SETD1A: variants seen among roughly 807,000 people sequenced by gnomAD.
SETD1A encodes the protein SET domain containing 1A, histone lysine methyltransferase, also known as histone-lysine N-methyltransferase SETD1A.
Under a neutral mutation model 149.9 loss-of-function variants are expected in SETD1A, and 29 were observed. The observed-to-expected ratio is 0.19, with a 90% confidence interval of 0.14 to 0.26. The LOEUF is 0.26. Among genes scored for constraint, SETD1A ranks in the 10% least tolerant of loss-of-function variants. The pLI, the probability that SETD1A is intolerant of heterozygous loss-of-function variation, is 1.00. For missense variants in SETD1A, 2,109 were observed against 2,353.1 expected (o/e 0.90, Z 2.15); for synonymous variants, 1,141 against 968.5 (o/e 1.18, Z -3.31).
intron 3 of SETD1A, among the ~76,000 whole-genome samples, chr16:30,959,620 T>C (rs1870293): frequency 0.62 from 94,257 of 151,944 alleles, 29,683 homozygotes; most frequent in East Asian, 0.91. Flanking sequence ...ACTCCTATTC[T>C]CCACCCTAGA....
In SETD1A at chr16:30,980,691, A is replaced by C. The variant is rs755570949; in HGVS notation, c.4581+34A>C. 3 of 1,610,910 alleles carry C rather than the reference A, an allele frequency of 1.9e-6. No homozygotes were observed. Among genetic ancestry groups the C allele is most frequent in the Non-Finnish European group, 1.7e-6 (2 of 1,179,072 alleles). On this transcript the variant is annotated intron_variant, in intron 15 of 18. Coordinates refer to ENST00000262519, the MANE Select transcript of SETD1A (RefSeq NM_014712.3). This position sits in a 1 kb window ranked among gnomAD's most constrained non-coding sequence, Gnocchi z 7.7. ...AACCCCGCCGCCGCGTCCTCCTGCCACTCACTTCCCTGCCCTGCTCACCTC... is the reference window on the plus strand; with the variant it reads ...AACCCCGCCGCCGCGTCCTCCTGCCCCTCACTTCCCTGCCCTGCTCACCTC...
intron 12 of SETD1A, among the ~76,000 whole-genome samples, chr16:30,970,106 T>TA (rs2056206207): frequency 1.3e-5 from 2 of 151,746 alleles, no homozygotes; most frequent in Non-Finnish European, 2.9e-5. Flanking sequence ...TAGCTGGGAT[T>TA]ACAGGCACCC....
Position 30,964,264 on chromosome 16 carries a change from A to G in SETD1A, c.810A>G (p.Gly270=). 2.5e-6 allele frequency: 4 copies of G among 1,613,540 alleles called. No individual in the cohort carries two copies. Among genetic ancestry groups the G allele is most frequent in the Non-Finnish European group, 1.7e-6 (2 of 1,179,850 alleles). Residue 270 remains glycine, a synonymous_variant, in exon 6 of 19, where the codon GGA becomes GGG. Coordinates refer to ENST00000262519, the MANE Select transcript of SETD1A (RefSeq NM_014712.3). ...AGTTCACACCTCAGTCCTCCCAAGG[A>G]ACCCCCTACACGTCTCGGGGCAGCA... ...FGQFTPQSSQ[G]TPYTSRGSTP...
At position 30,961,260 on chromosome 16, in the gene SETD1A, T is replaced by C; in HGVS notation, c.247-7T>C. On this transcript the variant is annotated splice_polypyrimidine_tract_variant and splice_region_variant and intron_variant, in intron 3 of 18. Transcript: ENST00000262519. This position sits in a 1 kb window ranked among gnomAD's most constrained non-coding sequence, Gnocchi z 4.0. ...AGACCCCATACCAACTCCTGTTCTT[T>C]CCCCAGCTGGACGAGTTCTATATTG... 6.2e-7 allele frequency: 1 copy of C among 1,614,054 alleles called. No individual in the cohort carries two copies. Among genetic ancestry groups the C allele is most frequent in the South Asian group, 1.1e-5 (1 of 91,068 alleles).
At position 30,979,509 on chromosome 16, in the gene SETD1A, G is replaced by A. The variant is rs1386012018; in HGVS notation, c.3723G>A (p.Glu1241=). The change falls in exon 14 of 19, where the codon GAG becomes GAA. Residue 1241 remains glutamate (E), a synonymous_variant. Transcript: ENST00000262519. ...CTGGAGGCCGAGGCCGCCTCACCGAGGAAGAGGAGGCTGAGCCAGGGACAG... is the reference window on the plus strand; with the variant it reads ...CTGGAGGCCGAGGCCGCCTCACCGAAGAAGAGGAGGCTGAGCCAGGGACAG... The part of the protein sequence containing the change: ...SRAGGRGRLT[E]EEEAEPGTEV... The A allele has an allele frequency of 6.2e-7, 1 of 1,606,172 alleles. No homozygotes were observed. Among genetic ancestry groups the A allele is most frequent in the Non-Finnish European group, 8.5e-7 (1 of 1,177,128 alleles).
rs749039819 is a variant in SETD1A, at chr16:30,969,616, CGAG to C, written c.2946_2948del (p.Glu983del). ...TTTTTCTTAAGGATGAGGAGGATGA[CGAG>C]GAAGATGAGGAAGATGAAGATCGAG... On this transcript the variant is annotated inframe_deletion, in exon 12 of 19. Coordinates refer to ENST00000262519, the MANE Select transcript of SETD1A (RefSeq NM_014712.3). 1.2e-5 allele frequency: 20 copies of C among 1,613,758 alleles called. No individual in the cohort carries two copies. Among genetic ancestry groups the C allele is most frequent in the Non-Finnish European group, 1.6e-5 (19 of 1,179,832 alleles).
chr16:30,959,594 CTT>C (rs1476330277), intron 3 of SETD1A, among the ~76,000 whole-genome samples: 11 of 152,174 alleles, frequency 7.2e-5, no homozygotes, highest in Admixed American at 6.5e-4. Context: ...TCATTTCCCT[CTT>C]GTTTCCTTCG....
In SETD1A at chr16:30,961,298, T is replaced by C. The variant is rs1286344091; in HGVS notation, c.278T>C (p.Leu93Pro). 1 of 1,614,006 alleles carries C rather than the reference T, an allele frequency of 6.2e-7. No homozygotes were observed. Among genetic ancestry groups the C allele is most frequent in the Non-Finnish European group, 8.5e-7 (1 of 1,180,030 alleles). The change falls in exon 4 of 19, where the codon CTG becomes CCG. Residue 93 changes from leucine (L) to proline (P), a missense_variant. Leu to Pro is a moderately conservative substitution (Grantham distance 98). Coordinates refer to ENST00000262519, the MANE Select transcript of SETD1A (RefSeq NM_014712.3). The surrounding 1 kb of genome is among the most constrained non-coding windows in gnomAD (Gnocchi z 4.0). ...GAGTTCTATATTGGACAGATTCCAC[T>C]GAAGGAAGTGACTTTTGCAAGGCTG... ...LDEFYIGQIP[L>P]KEVTFARLND...
intron 13 of SETD1A, among the ~76,000 whole-genome samples, chr16:30,977,271 C>T (rs1044612643): frequency 2.6e-5 from 4 of 152,084 alleles, no homozygotes; most frequent in African/African-American, 9.7e-5. Flanking sequence ...ATAACCAGAA[C>T]CAGTTTCAGT....
chr16:30,974,259 G>C (rs1388755046), intron 13 of SETD1A, among the ~76,000 whole-genome samples: 1 of 152,094 alleles, frequency 6.6e-6, no homozygotes, highest in Non-Finnish European at 1.5e-5. Context: ...GGTGCCCCTT[G>C]GGCTTCCCAG....
rs993308630 is a variant in SETD1A at position 30,979,825 on chromosome 16, G to A, written c.4039G>A (p.Glu1347Lys). ...EAPEVVVAEA[E>K]EPKPQQLQQQ... ...CCCCGAGGTGGTGGTGGCTGAGGCG[G>A]AGGAGCCCAAGCCGCAGCAACTGCA... The change falls in exon 14 of 19, where the codon GAG becomes AAG. Residue 1347 changes from glutamate (E) to lysine (K), a missense_variant. This residue lies in a region of SETD1A where 832 missense variants were observed against 815.6 expected (regional missense o/e 1.02). Transcript: ENST00000262519. 7 of 1,556,256 alleles carry A rather than the reference G, an allele frequency of 4.5e-6. No homozygotes were observed. In the South Asian group the frequency reaches 4.6e-5, roughly 10 times the overall value.
Position 30,966,889 on chromosome 16 carries a change from C to T in SETD1A, c.2511C>T (p.Phe837=), listed in dbSNP as rs1404901327. The T allele has an allele frequency of 1.3e-6, 2 of 1,555,032 alleles. No homozygotes were observed. Among genetic ancestry groups the T allele is most frequent in the East Asian group, 4.8e-5 (2 of 41,472 alleles). The change falls in exon 9 of 19, where the codon TTC becomes TTT. Residue 837 remains phenylalanine (F), a synonymous_variant. Transcript: ENST00000262519. ...WESKEEKAKP[F]QNAAKQQAKE... is the part of the protein sequence containing the mutation. ...AGCCCCACTGCTGCCTGCAGCCATT[C>T]CAGAACGCGGCCAAGCAGCAAGCCA...
intron 13 of SETD1A, among the ~76,000 whole-genome samples, chr16:30,972,743 G>T (rs766765098): frequency 6.6e-6 from 1 of 151,252 alleles, no homozygotes. Flanking sequence ...GATCCCAGCT[G>T]CTCGGGAGGC....
rs2143501793 is a variant in SETD1A, at chr16:30,965,921, C to T, written c.2040C>T (p.Phe680=). The change falls in exon 8 of 19, where the codon TTC becomes TTT. Residue 680 remains phenylalanine (F), a synonymous_variant. Transcript: ENST00000262519. ...GAQWGGMPMS[F]QMQTQMLTRL... ...AGTGGGGAGGGATGCCCATGTCCTT[C>T]CAGATGCAGACCCAGATGTTAACTC... is the stretch of plus-strand genomic sequence containing the variant. The T allele has an allele frequency of 6.2e-7, 1 of 1,612,482 alleles. No individual in the cohort carries two copies. Among genetic ancestry groups the T allele is most frequent in the Non-Finnish European group, 8.5e-7 (1 of 1,179,374 alleles).
Position 30,965,718 on chromosome 16 carries a change from C to T in SETD1A, c.1837C>T (p.Pro613Ser), listed in dbSNP as rs2056132471. Residue 613 changes from proline (P) to serine (S), a missense_variant, in exon 8 of 19, where the codon CCT (proline) becomes TCT (serine). By Grantham distance (74) the Pro-to-Ser change is moderately conservative. Transcript: ENST00000262519. ...QPPPPPPPPPPPPPYLASLPL... is the reference protein window; with the variant it reads ...QPPPPPPPPPSPPPYLASLPL... ...TCCGCCACCTCCCCCTCCCCCGCCG[C>T]CTCCTCCTCCCTACCTGGCGTCCCT... is the stretch of plus-strand genomic sequence containing the variant. The T allele has an allele frequency of 1.3e-6, 2 of 1,584,562 alleles. No homozygotes were observed. Among genetic ancestry groups the T allele is most frequent in the Non-Finnish European group, 1.7e-6 (2 of 1,164,458 alleles).
Position 30,964,783 on chromosome 16 carries a change from CTCCTCGTCA to C in SETD1A, c.1047_1055del (p.Ser355_Ser357del), listed in dbSNP as rs781296840. On this transcript the variant is annotated inframe_deletion, in exon 7 of 19. Transcript: ENST00000262519. ...CCTCTTCCTCCTCATTGTCCTCGTC[CTCCTCGTCA>C]TCCTCTTCCTCCTCGTCCTCTCAGT... 1.5e-5 allele frequency: 24 copies of C among 1,614,114 alleles called. No homozygotes were observed. Among genetic ancestry groups the C allele is most frequent in the Admixed American group, 1.0e-4 (6 of 59,988 alleles).
At chr16:30,964,470 C>G in intron 6 of SETD1A, 142 bp from the exon 7 acceptor site, 1 of 1,433,858 alleles carries the variant, frequency 7.0e-7, no homozygotes. Context: ...TTGCTGTCCT[C>G]GGGGAACACA....
Position 30,984,320 on chromosome 16 carries a change from T to A in SETD1A, c.*297T>A. 1 of 416,664 alleles carries A rather than the reference T, an allele frequency of 2.4e-6. No homozygotes were observed. The highest frequency in any genetic ancestry group is 4.4e-6 in the Non-Finnish European group (1 of 226,876). 25.8% of individuals were successfully genotyped at this position (416,664 alleles called of 1,614,324 possible). A position where few individuals can be genotyped will look rare whatever the true frequency, so the allele number is the denominator to read the frequency against. ...ACCTGGGGTGCCGGCCTGTACAGAT[T>A]CTGTCCTGGGGGGCTACACAGTCCT... On this transcript the variant is annotated 3_prime_UTR_variant, in exon 19 of 19. Transcript: ENST00000262519.
chr16:30,980,674 C>A lies in SETD1A; in HGVS notation c.4581+17C>A, dbSNP rs367903649. The A allele has an allele frequency of 6.8e-6, 11 of 1,610,122 alleles. No homozygotes were observed. Among genetic ancestry groups the A allele is most frequent in the Admixed American group, 1.7e-5 (1 of 59,912 alleles). On this transcript the variant is annotated intron_variant, in intron 15 of 18. Coordinates refer to ENST00000262519, the MANE Select transcript of SETD1A (RefSeq NM_014712.3). The surrounding 1 kb of genome is among the most constrained non-coding windows in gnomAD (Gnocchi z 7.7). ...GACACTCAGGTGGGCCTAACCCCGC[C>A]GCCGCGTCCTCCTGCCACTCACTTC... is the stretch of plus-strand genomic sequence containing the variant.
Sources: allele counts gnomAD v4.1 joint callset (sites outside exome capture counted in the v4.1 genomes callset), GRCh38; gene constraint gnomAD v4.1.1; regional missense constraint gnomAD v4.1.1; non-coding constraint Gnocchi (gnomAD v3.1); transcripts MANE v1.5; gene names NCBI Gene and HGNC (gene_info 2026-07-23, HGNC 2026-07-21).